Variants in ZP4 observed in about 807,000 individuals in gnomAD.
ZP4 encodes zona pellucida glycoprotein 4.
In ZP4, 62 loss-of-function variants were observed where a neutral mutation model predicts 62.3. That is an observed-to-expected ratio of 0.99 (90% confidence interval 0.81 to 1.23). The LOEUF is 1.23. ZP4 is among the 50% of genes most tolerant of loss of function. The pLI, the probability that ZP4 is intolerant of heterozygous loss-of-function variation, is 0.00. For missense variants in ZP4, 774 were observed against 656.0 expected, an observed-to-expected ratio of 1.18 and a Z score of -1.97; for synonymous variants, 289 against 247.3, an observed-to-expected ratio of 1.17 and a Z score of -1.58.
chr1:237,885,943 A>G, intron 6 of ZP4, 57 bp from the exon 7 acceptor site: 2 of 1,604,238 alleles, frequency 1.2e-6, no homozygotes, highest in Non-Finnish European at 1.7e-6. Flanking sequence ...TCAGTTACAC[A>G]TCCTTTCTTT....
rs770287833 is a variant in ZP4 at position 237,885,806 on chromosome 1, AAGGGTGGTGGG to A, written c.909_919del (p.Pro304SerfsTer2). On this transcript the variant is annotated frameshift_variant, in exon 7 of 12. Transcript: ENST00000366570. LOFTEE classifies it high-confidence loss of function. ...GAGGGGTCCAGGCTGGGTCTCAGGAAAGGGTGGTGGGAGAGTGAAAACCTGGACATTGATTG... is the reference window on the plus strand; with the variant it reads ...GAGGGGTCCAGGCTGGGTCTCAGGAAAGAGTGAAAACCTGGACATTGATTG... 1 of 1,614,108 alleles carries A rather than the reference AAGGGTGGTGGG, an allele frequency of 6.2e-7. No individual in the cohort carries two copies. The highest frequency in any genetic ancestry group is 2.2e-5 in the East Asian group (1 of 44,868).
chr1:237,884,017 A>AACACACACAAACACACACAAACAC (rs1665027256), intron 10 of ZP4, among the ~76,000 whole-genome samples: 1 of 87,946 alleles, frequency 1.1e-5, no homozygotes, highest in African/African-American at 4.8e-5. Flanking sequence ...CACACACACA[A>AACACACACAAACACACACAAACAC]ACACACACAC....
At chr1:237,887,236 C>A in intron 5 of ZP4, 138 bp downstream of exon 5, 1 of 977,682 alleles carries the variant, frequency 1.0e-6, no homozygotes. Flanking sequence ...AGGCATTCTC[C>A]TGCCCTAGGG....
rs1665225232 is a variant in ZP4, at chr1:237,890,788, G to A, written c.-153C>T. On this transcript the variant is annotated 5_prime_UTR_variant, in exon 1 of 12. Transcript: ENST00000366570. ...CTCAGGTGGGATGCCTTCAGAAAGG[G>A]GAATTCCTCTAGCCTCATTTGCTTT... 2 of 795,440 alleles carry A rather than the reference G, an allele frequency of 2.5e-6. No individual in the cohort carries two copies. The highest frequency in any genetic ancestry group is 1.9e-6 in the Non-Finnish European group (1 of 515,524). 49.3% of individuals were successfully genotyped at this position (795,440 alleles called of 1,614,324 possible).
intron 10 of ZP4, among the ~76,000 whole-genome samples, chr1:237,884,023 C>CACAAACACACACACACACACACAA (rs1553350872): frequency 1.5e-5 from 1 of 65,226 alleles, no homozygotes; most frequent in African/African-American, 5.4e-5. Flanking sequence ...CACAAACACA[C>CACAAACACACACACACACACACAA]ACACACACAA....
chr1:237,884,024 A>T (rs1665028641), intron 10 of ZP4, among the ~76,000 whole-genome samples: 1 of 65,602 alleles, frequency 1.5e-5, no homozygotes. Context: ...ACAAACACAC[A>T]CACACACAAA....
Position 237,888,473 on chromosome 1 carries a change from G to A in ZP4, c.438C>T (p.Ile146=), listed in dbSNP as rs1665161112. 1.2e-6 allele frequency: 2 copies of A among 1,611,172 alleles called. No individual in the cohort carries two copies. The highest frequency in any genetic ancestry group is 1.7e-6 in the Non-Finnish European group (2 of 1,178,020). Reference sequence around the variant, plus strand: ...CACATGGCAGTCTGTCCCGTGCTGGGATGGAGTCACACCAGTCAGTATCTG... The same window carrying A: ...CACATGGCAGTCTGTCCCGTGCTGGAATGGAGTCACACCAGTCAGTATCTG... ...DAPDTDWCDS[I]PARDRLPCAP... is the part of the protein sequence containing the mutation. The change falls in exon 4 of 12, where the codon ATC becomes ATT. Residue 146 remains isoleucine (I), a synonymous_variant. Transcript: ENST00000366570.
In ZP4 at chr1:237,885,573, G is replaced by A; in HGVS notation, c.978C>T (p.Asn326=). The A allele has an allele frequency of 6.2e-7, 1 of 1,612,900 alleles. No individual in the cohort carries two copies. The highest frequency in any genetic ancestry group is 8.5e-7 in the Non-Finnish European group (1 of 1,179,580). ...TLELQIAKDK[N]YGSYYGVGDY... Reference sequence around the variant, plus strand: ...CACCAACACCGTAGTAAGAGCCATAGTTTTTATCTGCAAGAGGCAGAAATA... The same window carrying A: ...CACCAACACCGTAGTAAGAGCCATAATTTTTATCTGCAAGAGGCAGAAATA... Residue 326 remains asparagine (N), a synonymous_variant, in exon 8 of 12, where the codon AAC becomes AAT. Transcript: ENST00000366570.
Position 237,890,412 on chromosome 1 carries a change from G to A in ZP4, c.175+49C>T, listed in dbSNP as rs746337679. The A allele has an allele frequency of 6.4e-6, 10 of 1,574,116 alleles. No individual in the cohort carries two copies. In the East Asian group the frequency reaches 1.6e-4, roughly 25 times the overall value. ...AGATAGGGAGACATCTTAGGTAGTA[G>A]AGGAGACATATCATTGCTTGGCTAA... On this transcript the variant is annotated intron_variant, in intron 1 of 11. Transcript: ENST00000366570.
intron 3 of ZP4, among the ~76,000 whole-genome samples, chr1:237,889,066 GCT>G (rs1665176182): frequency 2.0e-5 from 3 of 152,186 alleles, no homozygotes; most frequent in Admixed American, 2.0e-4. Flanking sequence ...CATACTTCCT[GCT>G]GTTTCCTTAG....
rs1665057764 is a variant in ZP4 at position 237,884,834 on chromosome 1, C to T, written c.1325G>A (p.Cys442Tyr). Residue 442 changes from cysteine (C) to tyrosine (Y), a missense_variant, in exon 10 of 12, where the codon TGC (cysteine) becomes TAC (tyrosine). Coordinates refer to ENST00000366570, the MANE Select transcript of ZP4 (RefSeq NM_021186.5). ...AGCAGGCTGGCAGACTGACACGCTG[C>T]AGTGCAGATGCACCTGGGAGCCAAC... ...QALRGPVHLH[C>Y]SVSVCQPAET... 7 of 1,613,354 alleles carry T rather than the reference C, an allele frequency of 4.3e-6. No individual in the cohort carries two copies. The highest frequency in any genetic ancestry group is 5.1e-6 in the Non-Finnish European group (6 of 1,179,688).
chr1:237,887,884 GC>G (rs1454203423), intron 4 of ZP4, among the ~76,000 whole-genome samples: 1 of 108,332 alleles, frequency 9.2e-6, no homozygotes, highest in African/African-American at 7.1e-5. Context: ...AATAGCGTGT[GC>G]GATTATTAGG....
Position 237,884,755 on chromosome 1 carries a change from G to T in ZP4, c.1390+14C>A, listed in dbSNP as rs749623600. The T allele has an allele frequency of 1.2e-6, 2 of 1,611,676 alleles. No homozygotes were observed. Among genetic ancestry groups the T allele is most frequent in the Non-Finnish European group, 1.7e-6 (2 of 1,178,686 alleles). Reference sequence around the variant, plus strand: ...ATTCATTCAAATCTGTCCTCTAACAGCTTGGTTACTCACGACTGAGATCAG... The same window carrying T: ...ATTCATTCAAATCTGTCCTCTAACATCTTGGTTACTCACGACTGAGATCAG... On this transcript the variant is annotated intron_variant, in intron 10 of 11. Coordinates refer to ENST00000366570, the MANE Select transcript of ZP4 (RefSeq NM_021186.5).
chr1:237,884,308 A>G (rs528085563), intron 10 of ZP4, among the ~76,000 whole-genome samples: 1 of 152,288 alleles, frequency 6.6e-6, no homozygotes, highest in South Asian at 2.1e-4. Context: ...AGGCTAGGCA[A>G]GTACAGGTAG....
chr1:237,882,970 A>C, intron 10 of ZP4, 124 bp from the exon 11 acceptor site: 1 of 634,820 alleles, frequency 1.6e-6, no homozygotes, highest in South Asian at 2.4e-5. Flanking sequence ...CAAAAACCTC[A>C]TTAAGTATAT....
rs774379451 is a variant in ZP4 at position 237,889,989 on chromosome 1, G to C, written c.298-20C>G. 6 of 1,614,140 alleles carry C rather than the reference G, an allele frequency of 3.7e-6. No homozygotes were observed. The East Asian group carries it at 1.1e-4, about 30-fold the overall frequency. On this transcript the variant is annotated intron_variant, in intron 2 of 11. Transcript: ENST00000366570. ...GGAGTCCTGGAGAGACAGGCCCTTG[G>C]GGGTCAGCCTGGATGGTAGCATGAG... is the stretch of plus-strand genomic sequence containing the variant.
Position 237,885,885 on chromosome 1 carries a change from G to A in ZP4, c.841C>T (p.Leu281Phe), listed in dbSNP as rs147732809. 46 of 1,614,064 alleles carry A rather than the reference G, an allele frequency of 2.8e-5. No homozygotes were observed. The African/African-American group carries it at 5.1e-4, about 18-fold the overall frequency. Residue 281 changes from leucine to phenylalanine, a missense_variant and splice_region_variant, in exon 7 of 12, where the codon CTC becomes TTC. By Grantham distance (22) the Leu-to-Phe change is conservative. Coordinates refer to ENST00000366570, the MANE Select transcript of ZP4 (RefSeq NM_021186.5). The part of the protein sequence containing the change: ...GSVTRDSIFR[L>F]HVSCSYSVSS... ...ACTGAGTAGCTGCAGCTGACATGGA[G>A]CCTGCAGAGAAACAAGATTTTAGCT...
intron 10 of ZP4, among the ~76,000 whole-genome samples, chr1:237,884,043 A>AAACACACACACACACAC (rs1558531261): frequency 6.7e-5 from 7 of 104,822 alleles, no homozygotes; most frequent in African/African-American, 3.9e-4. Context: ...AACACACACA[A>AAACACACACACACACAC]ACACACACAA....
At chr1:237,888,276 C>T (rs954099123) in intron 4 of ZP4, 82 bp downstream of exon 4, 7 of 1,412,930 alleles carry the variant, frequency 5.0e-6, no homozygotes, top group Non-Finnish European at 6.6e-6. Context: ...TGATGTTTGC[C>T]TTCTGAGCAA....
Sources: allele counts gnomAD v4.1 joint callset (sites outside exome capture counted in the v4.1 genomes callset), GRCh38; gene constraint gnomAD v4.1.1; transcripts MANE v1.5; gene names NCBI Gene and HGNC (gene_info 2026-07-23, HGNC 2026-07-21).